DNAH17: variants seen among roughly 807,000 people sequenced by gnomAD.
The protein encoded by DNAH17 is axonemal beta dynein heavy chain 17.
DNAH17 carries 376 observed loss-of-function variants against 485.6 expected under a neutral mutation model. The observed-to-expected ratio is 0.77, with a 90% CI of 0.71 to 0.84. DNAH17 has a LOEUF of 0.84. DNAH17 is among the 40% of genes least tolerant of loss of function. The probability of loss-of-function intolerance (pLI) is 0.00; values close to 1 mark genes in which losing one functional copy is unlikely to be tolerated. For synonymous variants in DNAH17, 3,031 were observed against 2,405.9 expected, an observed-to-expected ratio of 1.26 and a Z score of -7.60; for missense variants, 6,370 against 5,839.3, an observed-to-expected ratio of 1.09 and a Z score of -2.96.
intron 54 of DNAH17, among the ~76,000 whole-genome samples, chr17:78,473,711 A>G (rs1286782222): frequency 3.9e-5 from 6 of 152,132 alleles, no homozygotes; most frequent in Non-Finnish European, 7.3e-5. Flanking sequence ...ATCAGCCCCA[A>G]CAGGAAGGAT....
At position 78,449,474 on chromosome 17, in the gene DNAH17, G is replaced by A. The variant is rs138549111; in HGVS notation, c.11151C>T (p.Tyr3717=). 1.3e-6 allele frequency: 2 copies of A among 1,565,224 alleles called. No individual in the cohort carries two copies. Among genetic ancestry groups the A allele is most frequent in the East Asian group, 4.7e-5 (2 of 42,214 alleles). ...CCCTCTCGAAGAGTCCCCGGGCCGT[G>A]TACATGTAGACGGAGTAGGTGATCT... is the stretch of plus-strand genomic sequence containing the variant. ...TDEITYSVYM[Y]TARGLFERDK... Residue 3717 remains tyrosine, a synonymous_variant, in exon 69 of 81, where the codon TAC becomes TAT. Coordinates refer to ENST00000389840, the MANE Select transcript of DNAH17 (RefSeq NM_173628.4).
intron 7 of DNAH17, 81 bp from the exon 8 acceptor site, chr17:78,569,608 G>A: frequency 6.7e-7 from 1 of 1,491,376 alleles, no homozygotes. Context: ...TGCAGGACCT[G>A]TGATCTGTTC....
intron 16 of DNAH17, among the ~76,000 whole-genome samples, chr17:78,545,256 G>A (rs2091727277): frequency 6.6e-6 from 1 of 152,162 alleles, no homozygotes; most frequent in Non-Finnish European, 1.5e-5. Context: ...TGTTTACCTT[G>A]TTAGAAGGAT....
intron 31 of DNAH17, among the ~76,000 whole-genome samples, chr17:78,503,689 G>T (rs1354832507): frequency 2.0e-5 from 3 of 151,978 alleles, no homozygotes; most frequent in Non-Finnish European, 2.9e-5. Context: ...CTGGGGTCCA[G>T]GCGCAGTGGC....
Position 78,458,667 on chromosome 17 carries a change from T to C in DNAH17, c.9875A>G (p.Asn3292Ser). The change falls in exon 62 of 81, where the codon AAC becomes AGC. Residue 3292 changes from asparagine (N) to serine (S), a missense_variant. Asn to Ser is a conservative substitution (Grantham distance 46, BLOSUM62 1). Transcript: ENST00000389840. ...IKNKIAELNA[N>S]LSNLTSAFEK... ...AAACGCTGAGGTTAGGTTGCTCAGG[T>C]TGGCGTTAAGTTCCTGCAAAACCAA... The C allele has an allele frequency of 1.2e-6, 2 of 1,614,048 alleles. No individual in the cohort carries two copies. The highest frequency in any genetic ancestry group is 1.7e-6 in the Non-Finnish European group (2 of 1,179,884).
rs2087149926 is a variant in DNAH17, at chr17:78,443,451, C to G, written c.11528+1153G>C. Among the ~76,000 whole-genome samples the G allele has an allele frequency of 3.3e-5, 5 of 152,210 alleles. No individual in the cohort carries two copies. In the South Asian group the frequency reaches 1.0e-3, roughly 32 times the overall value. On this transcript the variant is annotated intron_variant, in intron 71 of 80. Coordinates refer to ENST00000389840, the MANE Select transcript of DNAH17 (RefSeq NM_173628.4). ...CTTCATTCCACCCCCTCCTCCCCACCACTCCCGGTCCCTGTCCTCTCCTAT... is the reference window on the plus strand; with the variant it reads ...CTTCATTCCACCCCCTCCTCCCCACGACTCCCGGTCCCTGTCCTCTCCTAT...
rs2088610430 is a variant in DNAH17 at position 78,468,804 on chromosome 17, G to A, written c.8591C>T (p.Ala2864Val). Residue 2864 changes from alanine (A) to valine (V), a missense_variant, in exon 55 of 81, where the codon GCC becomes GTC. Coordinates refer to ENST00000389840, the MANE Select transcript of DNAH17 (RefSeq NM_173628.4). ...GATCAGCACCAGAAACTGCTCCTCG[G>A]CCACCTGGGAGTCTGTCATCAGGAA... ...SVFLMTDSQV[A>V]EEQFLVLIND... 6.2e-7 allele frequency: 1 copy of A among 1,614,004 alleles called. No individual in the cohort carries two copies.
At chr17:78,516,723 C>G (rs1337287005) in intron 25 of DNAH17, among the ~76,000 whole-genome samples, 3 of 147,192 alleles carry the variant, frequency 2.0e-5, no homozygotes, top group East Asian at 2.0e-4. Context: ...GAGAGAGAGA[C>G]AGACTCAAAA....
At chr17:78,573,714 G>A (rs946302898) in intron 2 of DNAH17, among the ~76,000 whole-genome samples, 13 of 152,048 alleles carry the variant, frequency 8.5e-5, no homozygotes, top group Non-Finnish European at 1.2e-4. Flanking sequence ...GACCACATGA[G>A]GACCCAGGGA....
intron 31 of DNAH17, among the ~76,000 whole-genome samples, chr17:78,504,970 A>T (rs2090439964): frequency 8.5e-6 from 1 of 118,298 alleles, no homozygotes; most frequent in Non-Finnish European, 1.6e-5. Context: ...CAGTGGCGCG[A>T]TCTTGGCTCA....
rs762119413 is a variant in DNAH17, at chr17:78,460,221, G to A, written c.9376C>T (p.Leu3126=). 4.5e-5 allele frequency: 72 copies of A among 1,606,902 alleles called. No homozygotes were observed. The highest frequency in any genetic ancestry group is 1.6e-4 in the African/African-American group (12 of 74,824). The change falls in exon 59 of 81, where the codon CTG becomes TTG. Residue 3126 remains leucine, a synonymous_variant. Coordinates refer to ENST00000389840, the MANE Select transcript of DNAH17 (RefSeq NM_173628.4). ...AGCAGGGCCGGTTCTGCTTTGGCCAGGTCTGTTTCACAGGCCTTTTGCTTC... is the reference window on the plus strand; with the variant it reads ...AGCAGGGCCGGTTCTGCTTTGGCCAAGTCTGTTTCACAGGCCTTTTGCTTC... ...TEKQKACETD[L]AKAEPALLAA...
chr17:78,532,829 G>A, intron 19 of DNAH17, 93 bp from the exon 20 acceptor site: 2 of 1,373,314 alleles, frequency 1.5e-6, no homozygotes, highest in Admixed American at 2.6e-5. Context: ...GTGGTTCTCT[G>A]TTGGCGAAAG....
chr17:78,547,667 G>A (rs554544831), intron 16 of DNAH17, among the ~76,000 whole-genome samples: 2 of 150,466 alleles, frequency 1.3e-5, no homozygotes, highest in Non-Finnish European at 2.9e-5. Flanking sequence ...TCCCAGGCTG[G>A]AGTGCAGTGG....
At chr17:78,502,053 G>A in intron 33 of DNAH17, 180 bp from the exon 34 acceptor site, 1 of 777,980 alleles carries the variant, frequency 1.3e-6, no homozygotes, top group South Asian at 1.9e-5. Context: ...GTGCGGCCCT[G>A]ATGGGACACC....
chr17:78,440,582 G>A (rs1027795593), intron 72 of DNAH17, among the ~76,000 whole-genome samples: 3 of 151,928 alleles, frequency 2.0e-5, no homozygotes, highest in Non-Finnish European at 4.4e-5. Flanking sequence ...TTTAATCGAG[G>A]GATACTATTC....
Position 78,480,839 on chromosome 17 carries a change from C to T in DNAH17, c.7650-53G>A, listed in dbSNP as rs1021245001. 5.6e-5 allele frequency: 74 copies of T among 1,312,486 alleles called. No individual in the cohort carries two copies. In the Admixed American group the frequency reaches 1.2e-3, roughly 21 times the overall value. 81.3% of individuals were successfully genotyped at this position (1,312,486 alleles called of 1,614,324 possible). A position where few individuals can be genotyped will look rare whatever the true frequency, so the allele number is the denominator to read the frequency against. The stretch of plus-strand genomic sequence containing the variant: ...GTGCCCCTGGCCTGGAGGAACCATC[C>T]CCTGCCCCCACTGTGCTCCCAAGAA... On this transcript the variant is annotated intron_variant, in intron 48 of 80. Coordinates refer to ENST00000389840, the MANE Select transcript of DNAH17 (RefSeq NM_173628.4).
chr17:78,549,808 C>T (rs1028823592), intron 16 of DNAH17, among the ~76,000 whole-genome samples: 1 of 152,190 alleles, frequency 6.6e-6, no homozygotes, highest in Non-Finnish European at 1.5e-5. Flanking sequence ...GCTCGCTCCC[C>T]ACCGCCCAGA....
intron 54 of DNAH17, among the ~76,000 whole-genome samples, chr17:78,474,228 T>A (rs376201950): frequency 7.9e-5 from 12 of 152,188 alleles, no homozygotes; most frequent in African/African-American, 2.4e-4. Context: ...AGGGTCCCCT[T>A]AGGTTCCCCC....
intron 1 of DNAH17, among the ~76,000 whole-genome samples, chr17:78,575,861 A>T (rs1474095566): frequency 1.3e-5 from 2 of 152,392 alleles, no homozygotes; most frequent in East Asian, 1.9e-4. Context: ...TTAAACATCA[A>T]AATGAATGCA....
Sources: gnomAD v4.1 joint callset for allele counts (sites outside exome capture counted in the v4.1 genomes callset) on GRCh38, gnomAD v4.1.1 for gene constraint, MANE v1.5 for transcripts, NCBI Gene and HGNC (gene_info 2026-07-23, HGNC 2026-07-21) for gene names.